Variants in PATJ observed in about 807,000 individuals in gnomAD.
PATJ encodes the protein PATJ crumbs cell polarity complex component.
A neutral mutation model predicts 224.9 loss-of-function variants in PATJ; 190 were observed. The ratio of observed to expected loss-of-function variants is 0.84; its 90% CI spans 0.75 to 0.95. The LOEUF (loss-of-function observed/expected upper bound fraction) is 0.95, where lower values mean the gene tolerates loss of function less well. Ranked by LOEUF, PATJ falls within the 40% of genes least tolerant of loss-of-function variation. The pLI is 0.00. For missense variants in PATJ, 2,121 were observed against 2,270.3 expected (o/e 0.93, Z 1.34); for synonymous variants, 769 against 820.3 (o/e 0.94, Z 1.07).
chr1:61,761,682 A>ATT lies in PATJ; in HGVS notation c.-35-1163_-35-1162dup, dbSNP rs879603879. ...TTCATATTCCTCTGGGTGTTCCTCT[A>ATT]TTTTTTTTTTTTTTAATTTTTGAGA... On this transcript the variant is annotated intron_variant, in intron 1 of 43. Transcript: ENST00000642238. Among the ~76,000 whole-genome samples, 38 of 142,148 alleles carry ATT rather than the reference A, an allele frequency of 2.7e-4. No homozygotes were observed. The Middle Eastern group carries it at 0.011, about 43-fold the overall frequency. 93.3% of individuals were successfully genotyped at this position (142,148 alleles called of 152,430 possible).
intron 27 of PATJ, among the ~76,000 whole-genome samples, chr1:61,949,034 G>A (rs940815715): frequency 6.7e-6 from 1 of 150,166 alleles, no homozygotes; most frequent in African/African-American, 2.5e-5. Context: ...TGGACACAGG[G>A]TGGGGAACAT....
chr1:61,901,599 T>C, intron 24 of PATJ, 140 bp downstream of exon 24: 1 of 578,940 alleles, frequency 1.7e-6, no homozygotes, highest in South Asian at 2.4e-5. Flanking sequence ...CCTTAGTTTG[T>C]ACATTGTATG....
chr1:61,884,515 C>T, intron 22 of PATJ, 107 bp downstream of exon 22: 1 of 734,540 alleles, frequency 1.4e-6, no homozygotes, highest in Admixed American at 3.4e-5. Context: ...TTGGAAAATA[C>T]AGAAAAATAT....
At chr1:61,775,932 C>G (rs1469733476) in intron 7 of PATJ, among the ~76,000 whole-genome samples, 1 of 151,982 alleles carries the variant, frequency 6.6e-6, no homozygotes, top group Non-Finnish European at 1.5e-5. Context: ...AATAATAAGC[C>G]CATATCATAT....
chr1:61,870,766 T>C (rs1571008597), intron 20 of PATJ, among the ~76,000 whole-genome samples: 1 of 152,344 alleles, frequency 6.6e-6, no homozygotes, highest in East Asian at 1.9e-4. Context: ...CTGGATCATA[T>C]GCTAATTCTA....
intron 19 of PATJ, among the ~76,000 whole-genome samples, chr1:61,863,819 A>C (rs1415479916): frequency 6.6e-6 from 1 of 152,346 alleles, no homozygotes; most frequent in African/African-American, 2.4e-5. Flanking sequence ...CTTTTGAGTT[A>C]TTTAAGCTTG....
intron 22 of PATJ, among the ~76,000 whole-genome samples, chr1:61,890,517 G>C (rs1669466309): frequency 6.6e-6 from 1 of 151,810 alleles, no homozygotes; most frequent in African/African-American, 2.4e-5. Context: ...TCTTCTTTGA[G>C]ACAAGTTCTT....
chr1:62,108,370 C>A, intron 33 of PATJ, 67 bp from the exon 34 acceptor site: 1 of 823,244 alleles, frequency 1.2e-6, no homozygotes, highest in Admixed American at 2.3e-5. Flanking sequence ...GGGTTGCTGC[C>A]TATTGGTTGT....
intron 26 of PATJ, 32 bp downstream of exon 26, chr1:61,914,696 GT>G (rs1419157106): frequency 1.4e-6 from 2 of 1,392,774 alleles, no homozygotes; most frequent in Non-Finnish European, 2.0e-6. Context: ...TTTAAAAAAT[GT>G]TTTTGTTTTG....
Position 61,925,725 on chromosome 1 carries a change from T to C in PATJ, c.3571-2005T>C, listed in dbSNP as rs544692808. On this transcript the variant is annotated intron_variant, in intron 26 of 43. Coordinates refer to ENST00000642238, the MANE Select transcript of PATJ (RefSeq NM_001350145.3). ...AAAAAATAAAAACATGACTGAAAAT[T>C]ATGCAAAATGTGCAGGTGCCAGGTA... 2.6e-5 allele frequency among the ~76,000 whole-genome samples: 4 copies of C among 152,292 alleles called. No homozygotes were observed. The South Asian group carries it at 8.3e-4, about 32-fold the overall frequency.
At chr1:61,811,456 C>T (rs1364640242) in intron 14 of PATJ, among the ~76,000 whole-genome samples, 2 of 151,942 alleles carry the variant, frequency 1.3e-5, no homozygotes, top group African/African-American at 4.8e-5. Flanking sequence ...TCTCGAACTC[C>T]TGCCCTCAGG....
chr1:62,107,311 A>G (rs1011825609), intron 33 of PATJ, among the ~76,000 whole-genome samples: 1 of 151,940 alleles, frequency 6.6e-6, no homozygotes, highest in Non-Finnish European at 1.5e-5. Context: ...ATCTCAAAAA[A>G]AAAAAAAGGA....
At chr1:61,773,992 T>A (rs950801820) in intron 6 of PATJ, among the ~76,000 whole-genome samples, 1 of 151,216 alleles carries the variant, frequency 6.6e-6, no homozygotes, top group African/African-American at 2.4e-5. Flanking sequence ...TGGTGGCAGG[T>A]ACCTGTAGTC....
At chr1:61,922,110 T>G (rs1674421336) in intron 26 of PATJ, among the ~76,000 whole-genome samples, 1 of 152,108 alleles carries the variant, frequency 6.6e-6, no homozygotes. Flanking sequence ...TAGTGCAATC[T>G]CAGCTCACTG....
rs760422677 is a variant in PATJ, at chr1:62,160,961, T to C, written c.5556T>C (p.Val1852=). 3 of 1,614,004 alleles carry C rather than the reference T, an allele frequency of 1.9e-6. No homozygotes were observed. Among genetic ancestry groups the C allele is most frequent in the Non-Finnish European group, 2.5e-6 (3 of 1,179,980 alleles). ...AACGAGGGGATCAGATTTTAGCTGT[T>C]AATGGCGAGACCCTGGAAGGTGTTA... ...RLKRGDQILA[V]NGETLEGVTH... Residue 1852 remains valine, a synonymous_variant, in exon 44 of 44, where the codon GTT becomes GTC. Coordinates refer to ENST00000642238, the MANE Select transcript of PATJ (RefSeq NM_001350145.3).
At chr1:61,878,759 G>A (rs1667687119) in intron 21 of PATJ, among the ~76,000 whole-genome samples, 1 of 151,124 alleles carries the variant, frequency 6.6e-6, no homozygotes. Context: ...ACTAAGGCAA[G>A]TACCCCAAAT....
chr1:61,825,460 T>C (rs918825966), intron 15 of PATJ, among the ~76,000 whole-genome samples: 1 of 152,064 alleles, frequency 6.6e-6, no homozygotes, highest in African/African-American at 2.4e-5. Flanking sequence ...AATTTAAAAG[T>C]CTCAGTACAG....
intron 11 of PATJ, among the ~76,000 whole-genome samples, chr1:61,797,751 T>C (rs1651649942): frequency 6.6e-6 from 1 of 152,208 alleles, no homozygotes; most frequent in Non-Finnish European, 1.5e-5. Context: ...CACCTTTTGT[T>C]AGGGGAATCT....
At chr1:61,822,455 A>T (rs2148721161) in intron 14 of PATJ, among the ~76,000 whole-genome samples, 1 of 151,956 alleles carries the variant, frequency 6.6e-6, no homozygotes, top group South Asian at 2.1e-4. Context: ...AAGAAAAGAA[A>T]AGAAATTCTA....
Sources: allele counts gnomAD v4.1 joint callset (sites outside exome capture counted in the v4.1 genomes callset), GRCh38; gene constraint gnomAD v4.1.1; transcripts MANE v1.5; gene names NCBI Gene and HGNC (gene_info 2026-07-23, HGNC 2026-07-21).